SLC4A4: variants seen among roughly 807,000 people sequenced by gnomAD.
The protein encoded by SLC4A4 is electrogenic sodium bicarbonate cotransporter 1.
SLC4A4 carries 27 observed loss-of-function variants against 111.5 expected under a neutral mutation model. The ratio of observed to expected loss-of-function variants is 0.24; its 90% confidence interval spans 0.18 to 0.33. The LOEUF is 0.33. Among genes scored for constraint, SLC4A4 ranks in the 10% least tolerant of loss-of-function variants. The pLI is 1.00. For missense variants in SLC4A4, 909 were observed against 1,315.5 expected (o/e 0.69, Z 4.78); for synonymous variants, 443 against 463.4 (o/e 0.96, Z 0.57).
chr4:71,434,018 A>G (rs1204948154), intron 7 of SLC4A4, among the ~76,000 whole-genome samples: 2 of 152,010 alleles, frequency 1.3e-5, no homozygotes, highest in African/African-American at 2.4e-5. Context: ...ATTTATAAAG[A>G]GCTTGAATGC....
chr4:71,075,857 G>A (rs563771887), intron 1 of SLC4A4, among the ~76,000 whole-genome samples: 3 of 151,858 alleles, frequency 2.0e-5, no homozygotes, highest in South Asian at 4.2e-4. Flanking sequence ...CCAGCTACTC[G>A]GGAGGCTGAG....
At chr4:71,084,499 A>AC (rs1219274826) in intron 1 of SLC4A4, among the ~76,000 whole-genome samples, 3 of 151,910 alleles carry the variant, frequency 2.0e-5, no homozygotes, top group Admixed American at 1.3e-4. Context: ...GGTGTGCTGC[A>AC]CCCATTAACT....
At chr4:71,489,003 G>A (rs924929888) in intron 15 of SLC4A4, among the ~76,000 whole-genome samples, 2 of 148,690 alleles carry the variant, frequency 1.3e-5, no homozygotes, top group African/African-American at 5.0e-5. Flanking sequence ...TTTATATGTT[G>A]TGTATACACA....
intron 2 of SLC4A4, among the ~76,000 whole-genome samples, chr4:71,125,366 A>C (rs1743532515): frequency 6.6e-6 from 1 of 152,232 alleles, no homozygotes; most frequent in Non-Finnish European, 1.5e-5. Flanking sequence ...TGAGGCCAGG[A>C]CTTGGAGGCC....
At chr4:71,063,201 A>G (rs1297397687) in intron 1 of SLC4A4, among the ~76,000 whole-genome samples, 4 of 152,220 alleles carry the variant, frequency 2.6e-5, no homozygotes, top group Non-Finnish European at 5.9e-5. Flanking sequence ...ACTTAGTGTC[A>G]TACCCATGGA....
rs571213441 is a variant in SLC4A4 at position 71,270,058 on chromosome 4, G to T, written c.253+14659G>T. 4.6e-5 allele frequency among the ~76,000 whole-genome samples: 7 copies of T among 152,244 alleles called. No homozygotes were observed. The South Asian group carries it at 1.2e-3, about 27-fold the overall frequency. On this transcript the variant is annotated intron_variant, in intron 3 of 25. Transcript: ENST00000264485. ...GTAACTTAATCACATTCACACATTA[G>T]CAAGGAGAAGAGCTGGGACTTGAAC...
At chr4:71,380,590 G>A (rs1718037850) in intron 6 of SLC4A4, among the ~76,000 whole-genome samples, 1 of 152,192 alleles carries the variant, frequency 6.6e-6, no homozygotes, top group Non-Finnish European at 1.5e-5. Context: ...GGACATAAAT[G>A]CAGAACCAAC....
chr4:71,503,800 GATA>G (rs1435995557), intron 16 of SLC4A4, among the ~76,000 whole-genome samples: 1 of 152,060 alleles, frequency 6.6e-6, no homozygotes, highest in Non-Finnish European at 1.5e-5. Flanking sequence ...GTATTTTCAT[GATA>G]ATAAATATCA....
chr4:71,073,394 T>G (rs1031443775), intron 1 of SLC4A4, among the ~76,000 whole-genome samples: 4 of 152,316 alleles, frequency 2.6e-5, no homozygotes, highest in African/African-American at 9.6e-5. Context: ...TAAAATATGC[T>G]TCCTTAAAAC....
intron 8 of SLC4A4, 48 bp from the exon 9 acceptor site, chr4:71,447,598 T>C: frequency 8.6e-7 from 1 of 1,167,652 alleles, no homozygotes; most frequent in Non-Finnish European, 1.3e-6. Flanking sequence ...GTATGTTGAG[T>C]TTGATGAAAT....
chr4:71,546,838 T>C (rs1735573500), intron 19 of SLC4A4, among the ~76,000 whole-genome samples: 1 of 152,012 alleles, frequency 6.6e-6, no homozygotes, highest in Admixed American at 6.6e-5. Context: ...ATCACAGTCA[T>C]ATGTGAAGGC....
At chr4:71,429,770 C>T (rs1263227614) in intron 7 of SLC4A4, among the ~76,000 whole-genome samples, 2 of 152,086 alleles carry the variant, frequency 1.3e-5, no homozygotes, top group Non-Finnish European at 2.9e-5. Context: ...GAAGAAACAA[C>T]TTACAATCTA....
intron 15 of SLC4A4, among the ~76,000 whole-genome samples, chr4:71,492,066 A>G (rs1729982600): frequency 6.6e-6 from 1 of 151,798 alleles, no homozygotes; most frequent in South Asian, 2.1e-4. Flanking sequence ...GGAATGTCGT[A>G]TTAATATTCT....
chr4:71,174,245 CCA>C (rs993611412), intron 2 of SLC4A4, among the ~76,000 whole-genome samples: 6 of 150,288 alleles, frequency 4.0e-5, no homozygotes, highest in Non-Finnish European at 7.4e-5. Context: ...GGCTCAATGA[CCA>C]CACCACACTT....
At chr4:71,187,744 A>C (rs1335904035) in intron 1 of SLC4A4, among the ~76,000 whole-genome samples, 1 of 152,164 alleles carries the variant, frequency 6.6e-6, no homozygotes, top group Non-Finnish European at 1.5e-5. Context: ...GCTCGGGCTC[A>C]GTGACACGTG....
chr4:71,546,899 G>A (rs1003481710), intron 19 of SLC4A4, among the ~76,000 whole-genome samples: 4 of 151,876 alleles, frequency 2.6e-5, no homozygotes, highest in Non-Finnish European at 5.9e-5. Context: ...TAATGGGAAA[G>A]GTATTCTTAT....
intron 3 of SLC4A4, among the ~76,000 whole-genome samples, chr4:71,287,647 T>C (rs569844884): frequency 6.6e-6 from 1 of 152,346 alleles, no homozygotes; most frequent in South Asian, 2.1e-4. Context: ...GCTAGTGCTT[T>C]TCCCTCATTG....
chr4:71,442,306 G>A (rs942892429), intron 8 of SLC4A4, among the ~76,000 whole-genome samples: 1 of 152,118 alleles, frequency 6.6e-6, no homozygotes, highest in Non-Finnish European at 1.5e-5. Flanking sequence ...GGCTAGTGTA[G>A]AGGTAAAATA....
In SLC4A4 at chr4:71,557,836, T is replaced by G. The variant is rs1171406612; in HGVS notation, c.2888T>G (p.Leu963Arg). 1 of 1,612,732 alleles carries G rather than the reference T, an allele frequency of 6.2e-7. No individual in the cohort carries two copies. Among genetic ancestry groups the G allele is most frequent in the Admixed American group, 1.7e-5 (1 of 59,872 alleles). Residue 963 changes from leucine to arginine, a missense_variant, in exon 22 of 26, where the codon CTG becomes CGG. Transcript: ENST00000264485. ...FTFLQVLCLA[L>R]LWILKSTVAA... Reference sequence around the variant, plus strand: ...TTCCTGCAGGTGTTGTGTCTGGCCCTGCTTTGGATCCTCAAGTCAACGGTG... The same window carrying G: ...TTCCTGCAGGTGTTGTGTCTGGCCCGGCTTTGGATCCTCAAGTCAACGGTG...
Sources: gnomAD v4.1 joint callset for allele counts (sites outside exome capture counted in the v4.1 genomes callset) on GRCh38, gnomAD v4.1.1 for gene constraint, MANE v1.5 for transcripts, NCBI Gene and HGNC (gene_info 2026-07-23, HGNC 2026-07-21) for gene names.